Variants in NUS1 observed in about 807,000 individuals in gnomAD.
NUS1 encodes the protein dehydrodolichyl diphosphate synthase complex subunit NUS1.
For synonymous variants in NUS1, 135 were observed against 155.2 expected (o/e 0.87, Z 0.97); for missense variants, 292 against 382.9 (o/e 0.76, Z 1.98).
At chr6:117,693,985 C>T in intron 2 of NUS1, 46 bp from the exon 3 acceptor site, 1 of 1,577,744 alleles carries the variant, frequency 6.3e-7, no homozygotes, top group Non-Finnish European at 8.6e-7. Flanking sequence ...TGAAATATAC[C>T]TGGAAGAGAG....
chr6:117,699,257 C>G (rs933069401), intron 3 of NUS1, among the ~76,000 whole-genome samples: 1 of 152,034 alleles, frequency 6.6e-6, no homozygotes, highest in African/African-American at 2.4e-5. Flanking sequence ...AAGATTCCAC[C>G]GGACAACAAT....
chr6:117,691,627 TTTAA>T (rs1447131468), intron 1 of NUS1, among the ~76,000 whole-genome samples: 3 of 147,254 alleles, frequency 2.0e-5, no homozygotes, highest in South Asian at 2.1e-4. Flanking sequence ...ATTTTGATTG[TTTAA>T]TTATATATTG....
intron 3 of NUS1, among the ~76,000 whole-genome samples, chr6:117,698,917 T>C (rs1461527908): frequency 5.3e-5 from 8 of 152,136 alleles, no homozygotes; most frequent in African/African-American, 1.2e-4. Context: ...TCATGATCAT[T>C]TCAATTGATA....
intron 3 of NUS1, among the ~76,000 whole-genome samples, chr6:117,697,719 G>A (rs1259475086): frequency 6.6e-6 from 1 of 152,010 alleles, no homozygotes; most frequent in Non-Finnish European, 1.5e-5. Context: ...AATAGCTGGA[G>A]ACTTCAACAC....
intron 3 of NUS1, among the ~76,000 whole-genome samples, chr6:117,695,860 T>A (rs2114688827): frequency 6.6e-6 from 1 of 152,284 alleles, no homozygotes; most frequent in Non-Finnish European, 1.5e-5. Context: ...ATTTTTGAGG[T>A]TCATCTATGT....
At chr6:117,677,149 C>T (rs1380845782) in intron 1 of NUS1, among the ~76,000 whole-genome samples, 1 of 152,170 alleles carries the variant, frequency 6.6e-6, no homozygotes, top group African/African-American at 2.4e-5. Context: ...AAACCTAAAG[C>T]ACTGTGCTAG....
rs565725772 is a variant in NUS1 at position 117,708,934 on chromosome 6, C to T, written c.*1919C>T. ...ATAAATTACCTACTGGAATATAGCC[C>T]AAGCCAGTAAAGGTTTAATATTTGC... On this transcript the variant is annotated 3_prime_UTR_variant, in exon 5 of 5. Transcript: ENST00000368494. The T allele has an allele frequency of 6.6e-6, 1 of 152,126 alleles. No homozygotes were observed. The highest frequency in any genetic ancestry group is 2.1e-4 in the South Asian group (1 of 4,818). The allele number at this position is 152,126 out of a possible 1,614,324, so 9.4% of individuals were successfully genotyped here.
Position 117,698,608 on chromosome 6 carries a change from A to G in NUS1, c.691+4428A>G, listed in dbSNP as rs557828093. ...ACCAAACATTTAAAGAAGAACTAAT[A>G]CCAATTCTACTCAAACTATTCTGCA... On this transcript the variant is annotated intron_variant, in intron 3 of 4. Coordinates refer to ENST00000368494, the MANE Select transcript of NUS1 (RefSeq NM_138459.5). Among the ~76,000 whole-genome samples, 8 of 152,192 alleles carry G rather than the reference A, an allele frequency of 5.3e-5. No homozygotes were observed. The East Asian group carries it at 1.5e-3, about 29-fold the overall frequency.
At chr6:117,686,502 T>C (rs1373256547) in intron 1 of NUS1, among the ~76,000 whole-genome samples, 2 of 152,206 alleles carry the variant, frequency 1.3e-5, no homozygotes, top group African/African-American at 2.4e-5. Context: ...TTGACCTTTA[T>C]GGATCTTTTT....
At chr6:117,703,125 T>C (rs1773435034) in intron 3 of NUS1, among the ~76,000 whole-genome samples, 1 of 152,196 alleles carries the variant, frequency 6.6e-6, no homozygotes. Context: ...TTTGGGTTCA[T>C]AGCTGTAAAA....
intron 1 of NUS1, among the ~76,000 whole-genome samples, chr6:117,691,802 A>G (rs1055215614): frequency 5.3e-5 from 8 of 151,710 alleles, no homozygotes; most frequent in Non-Finnish European, 1.0e-4. Flanking sequence ...ATAATTGAAC[A>G]TGTAACATAT....
chr6:117,676,705 A>G (rs1268712343), intron 1 of NUS1, among the ~76,000 whole-genome samples: 4 of 152,260 alleles, frequency 2.6e-5, no homozygotes, highest in Admixed American at 1.3e-4. Flanking sequence ...GCCCAAGGCC[A>G]CAAGATCGTA....
intron 4 of NUS1, among the ~76,000 whole-genome samples, chr6:117,706,480 T>C (rs527775825): frequency 2.0e-4 from 31 of 152,314 alleles, no homozygotes; most frequent in Non-Finnish European, 2.2e-4. Context: ...AAGTTATGAA[T>C]CTCTCATTAC....
chr6:117,684,822 A>T (rs1343169075), intron 1 of NUS1, among the ~76,000 whole-genome samples: 1 of 152,214 alleles, frequency 6.6e-6, no homozygotes, highest in East Asian at 1.9e-4. Context: ...ACAGCAAAAA[A>T]CTTTTTGTTT....
intron 4 of NUS1, among the ~76,000 whole-genome samples, chr6:117,706,623 A>G (rs995872351): frequency 6.6e-6 from 1 of 152,122 alleles, no homozygotes; most frequent in African/African-American, 2.4e-5. Flanking sequence ...TCTGCTTATA[A>G]TTTACCCTCA....
chr6:117,700,502 A>G (rs1266459384), intron 3 of NUS1, among the ~76,000 whole-genome samples: 1 of 152,204 alleles, frequency 6.6e-6, no homozygotes, highest in Non-Finnish European at 1.5e-5. Flanking sequence ...GGATGTGGAG[A>G]AAGGGAATCC....
intron 1 of NUS1, among the ~76,000 whole-genome samples, chr6:117,679,168 A>C (rs1358759130): frequency 6.6e-6 from 1 of 152,206 alleles, no homozygotes; most frequent in African/African-American, 2.4e-5. Flanking sequence ...TAATATAGAA[A>C]TGCTAAGTGA....
rs1431339572 is a variant in NUS1, at chr6:117,708,629, A to C, written c.*1614A>C. The C allele has an allele frequency of 1.3e-5, 2 of 150,586 alleles. No homozygotes were observed. Among genetic ancestry groups the C allele is most frequent in the Non-Finnish European group, 3.0e-5 (2 of 67,646 alleles). 9.3% of individuals were successfully genotyped at this position (150,586 alleles called of 1,614,324 possible). ...ATTACTTTGCACTGCATAATCCATTATACGTTGTACGACTTTTTTTTTTTG... is the reference window on the plus strand; with the variant it reads ...ATTACTTTGCACTGCATAATCCATTCTACGTTGTACGACTTTTTTTTTTTG... On this transcript the variant is annotated 3_prime_UTR_variant, in exon 5 of 5. Coordinates refer to ENST00000368494, the MANE Select transcript of NUS1 (RefSeq NM_138459.5).
At chr6:117,678,533 G>A (rs1333271883) in intron 1 of NUS1, among the ~76,000 whole-genome samples, 4 of 152,166 alleles carry the variant, frequency 2.6e-5, no homozygotes, top group South Asian at 2.1e-4. Flanking sequence ...AGTCAGTGGT[G>A]TAGGAAGGGG....
Sources: allele counts gnomAD v4.1 joint callset (sites outside exome capture counted in the v4.1 genomes callset), GRCh38; gene constraint gnomAD v4.1.1; transcripts MANE v1.5; gene names NCBI Gene and HGNC (gene_info 2026-07-23, HGNC 2026-07-21).